Variants in STXBP6 observed in about 807,000 individuals in gnomAD.
The protein encoded by STXBP6 is syntaxin-binding protein 6.
Under a neutral mutation model 26.9 loss-of-function variants are expected in STXBP6, and 21 were observed. The ratio of observed to expected loss-of-function variants is 0.78; its 90% CI spans 0.55 to 1.12. The LOEUF is 1.12. STXBP6 is among the 50% of genes most tolerant of loss of function. The pLI is 0.00. For missense variants in STXBP6, 232 were observed against 257.9 expected (o/e 0.90, Z 0.69); for synonymous variants, 97 against 92.6 (o/e 1.05, Z -0.27).
At chr14:24,909,489 A>C (rs1411942670) in intron 2 of STXBP6, among the ~76,000 whole-genome samples, 2 of 152,106 alleles carry the variant, frequency 1.3e-5, no homozygotes, top group African/African-American at 4.8e-5. Context: ...TTAGAAAATA[A>C]AACTGTTAAG....
At chr14:24,856,240 G>A (rs900045215) in intron 3 of STXBP6, 139 bp from the exon 4 acceptor site, 3 of 827,926 alleles carry the variant, frequency 3.6e-6, no homozygotes, top group African/African-American at 3.5e-5. Flanking sequence ...CCAAGTGTAT[G>A]GAGAGTCTAC....
At position 24,857,082 on chromosome 14, in the gene STXBP6, C is replaced by A. The variant is rs781125369; in HGVS notation, c.230G>T (p.Arg77Ile). Residue 77 changes from arginine (R) to isoleucine (I), a missense_variant, in exon 3 of 6, where the codon AGA (arginine) becomes ATA (isoleucine). By Grantham distance (97) the Arg-to-Ile change is moderately conservative. Transcript: ENST00000323944. Reference sequence around the variant, plus strand: ...AAGCTGCTCGAGCATCCACTGTGATCTCCGAACAAATGATGTGGAGCCTTC... The same window carrying A: ...AAGCTGCTCGAGCATCCACTGTGATATCCGAACAAATGATGTGGAGCCTTC... ...QFEGSTSFVR[R>I]SQWMLEQLRQ... 1 of 1,613,106 alleles carries A rather than the reference C, an allele frequency of 6.2e-7. No homozygotes were observed. The highest frequency in any genetic ancestry group is 8.5e-7 in the Non-Finnish European group (1 of 1,179,282).
intron 1 of STXBP6, among the ~76,000 whole-genome samples, chr14:25,005,079 T>C (rs189549220): frequency 1.3e-4 from 20 of 152,094 alleles, no homozygotes; most frequent in Admixed American, 1.3e-3. Flanking sequence ...AAAGACACAA[T>C]CTCAGTGAAA....
intron 3 of STXBP6, among the ~76,000 whole-genome samples, chr14:24,856,512 C>A (rs983023040): frequency 7.2e-5 from 11 of 151,974 alleles, no homozygotes; most frequent in African/African-American, 2.4e-4. Flanking sequence ...TTTTATTATT[C>A]TTCATTATTA....
intron 2 of STXBP6, among the ~76,000 whole-genome samples, chr14:24,906,742 G>A (rs1566464425): frequency 6.6e-6 from 1 of 152,124 alleles, no homozygotes. Flanking sequence ...TTTCTAAGCT[G>A]GCAGTTGACT....
chr14:24,921,537 C>A (rs1566477483), intron 2 of STXBP6, among the ~76,000 whole-genome samples: 3 of 152,196 alleles, frequency 2.0e-5, no homozygotes, highest in South Asian at 4.1e-4. Context: ...TTAAATACAA[C>A]TTTACTATAA....
At chr14:25,032,797 G>C (rs1308077036) in intron 1 of STXBP6, among the ~76,000 whole-genome samples, 1 of 152,204 alleles carries the variant, frequency 6.6e-6, no homozygotes, top group Non-Finnish European at 1.5e-5. Context: ...TAGATAAACA[G>C]AGGATCAGAA....
At chr14:24,984,525 A>C (rs1240323503) in intron 1 of STXBP6, among the ~76,000 whole-genome samples, 1 of 152,206 alleles carries the variant, frequency 6.6e-6, no homozygotes, top group Non-Finnish European at 1.5e-5. Flanking sequence ...ATTTCCAGTG[A>C]GGTTTATGAA....
chr14:24,898,449 C>A (rs140741288), intron 2 of STXBP6, among the ~76,000 whole-genome samples: 2 of 152,046 alleles, frequency 1.3e-5, no homozygotes, highest in Non-Finnish European at 2.9e-5. Flanking sequence ...GAGGCCAAGG[C>A]GGGTGGATCA....
intron 2 of STXBP6, among the ~76,000 whole-genome samples, chr14:24,948,306 T>C (rs1183487622): frequency 1.3e-5 from 2 of 151,906 alleles, no homozygotes; most frequent in Non-Finnish European, 2.9e-5. Flanking sequence ...AAAACTATAA[T>C]GGTTATGAAA....
chr14:25,036,168 G>A (rs1407791747), intron 1 of STXBP6, among the ~76,000 whole-genome samples: 1 of 138,834 alleles, frequency 7.2e-6, no homozygotes, highest in Non-Finnish European at 1.5e-5. Context: ...AGTGAGCCGA[G>A]ATTGTGCCAC....
At chr14:24,892,213 TA>T (rs907024985) in intron 2 of STXBP6, among the ~76,000 whole-genome samples, 126 of 138,888 alleles carry the variant, frequency 9.1e-4, no homozygotes, top group African/African-American at 3.3e-3. Context: ...TTTTTTTTTT[TA>T]AAAAGGAAAG....
chr14:24,829,225 T>G (rs2138883287), intron 4 of STXBP6, among the ~76,000 whole-genome samples: 1 of 152,274 alleles, frequency 6.6e-6, no homozygotes, highest in South Asian at 2.1e-4. Flanking sequence ...TCATTACAGG[T>G]TTAAATATAA....
chr14:24,930,156 T>C (rs192766654), intron 2 of STXBP6, among the ~76,000 whole-genome samples: 1 of 152,324 alleles, frequency 6.6e-6, no homozygotes, highest in Admixed American at 6.5e-5. Flanking sequence ...TGGTAACATA[T>C]TGCTCAGATG....
intron 2 of STXBP6, among the ~76,000 whole-genome samples, chr14:24,956,706 C>A (rs2073355677): frequency 6.9e-6 from 1 of 145,570 alleles, no homozygotes. Context: ...AAATACCTCA[C>A]ACTAAGTAAT....
At chr14:25,029,220 T>A (rs1191937442) in intron 1 of STXBP6, among the ~76,000 whole-genome samples, 7 of 152,098 alleles carry the variant, frequency 4.6e-5, no homozygotes, top group African/African-American at 7.2e-5. Context: ...TGCAGGGAAA[T>A]CTTACACGGA....
At chr14:24,832,529 G>A (rs1028447194) in intron 4 of STXBP6, among the ~76,000 whole-genome samples, 1 of 152,110 alleles carries the variant, frequency 6.6e-6, no homozygotes, top group Non-Finnish European at 1.5e-5. Flanking sequence ...ATCCCAATGG[G>A]TATCATGACT....
At chr14:24,857,250 T>TA in intron 2 of STXBP6, 93 bp from the exon 3 acceptor site, 1 of 1,518,452 alleles carries the variant, frequency 6.6e-7, no homozygotes, top group Non-Finnish European at 9.0e-7. Flanking sequence ...CTACTGTGTA[T>TA]ATGCACAATA....
chr14:24,993,452 T>G (rs1449291958), intron 1 of STXBP6, among the ~76,000 whole-genome samples: 1 of 152,204 alleles, frequency 6.6e-6, no homozygotes, highest in African/African-American at 2.4e-5. Flanking sequence ...TTGCCATTGC[T>G]CTAAATCAAG....
Sources: gnomAD v4.1 joint callset for allele counts (sites outside exome capture counted in the v4.1 genomes callset) on GRCh38, gnomAD v4.1.1 for gene constraint, MANE v1.5 for transcripts, NCBI Gene and HGNC (gene_info 2026-07-23, HGNC 2026-07-21) for gene names.